Variants in CNTNAP2 observed in about 807,000 individuals in gnomAD.
The protein encoded by CNTNAP2 is contactin-associated protein-like 2.
In CNTNAP2, 98 loss-of-function variants were observed where a neutral mutation model predicts 155.2. That is an observed-to-expected ratio of 0.63 (90% confidence interval 0.54 to 0.75). The LOEUF (loss-of-function observed/expected upper bound fraction) is 0.75, where lower values mean the gene tolerates loss of function less well. Ranked by LOEUF, CNTNAP2 falls within the 30% of genes least tolerant of loss-of-function variation. The probability of loss-of-function intolerance (pLI) is 0.00; values close to 1 mark genes in which losing one functional copy is unlikely to be tolerated. For synonymous variants in CNTNAP2, 651 were observed against 631.2 expected, an observed-to-expected ratio of 1.03 and a Z score of -0.47; for missense variants, 1,727 against 1,688.1, an observed-to-expected ratio of 1.02 and a Z score of -0.40.
intron 16 of CNTNAP2, among the ~76,000 whole-genome samples, chr7:148,120,631 A>G (rs142843473): frequency 3.3e-5 from 5 of 152,280 alleles, no homozygotes; most frequent in African/African-American, 1.2e-4. Context: ...TTTCCACAGT[A>G]TGAAAACCAT....
At position 146,639,549 on chromosome 7, in the gene CNTNAP2, C is replaced by T. The variant is rs185449328; in HGVS notation, c.98-134722C>T. ...GTGTAAAATATATTTTCTTACCTCTCACTACCATTTACTATGATACATTTA... is the reference window on the plus strand; with the variant it reads ...GTGTAAAATATATTTTCTTACCTCTTACTACCATTTACTATGATACATTTA... On this transcript the variant is annotated intron_variant, in intron 1 of 23. Coordinates refer to ENST00000361727, the MANE Select transcript of CNTNAP2 (RefSeq NM_014141.6). Among the ~76,000 whole-genome samples the T allele has an allele frequency of 9.3e-4, 141 of 152,318 alleles. 2 individuals are homozygous for T. In the East Asian group the frequency reaches 0.022, roughly 24 times the overall value.
intron 3 of CNTNAP2, among the ~76,000 whole-genome samples, chr7:146,902,212 T>C (rs1796018651): frequency 6.6e-6 from 1 of 152,106 alleles, no homozygotes; most frequent in Non-Finnish European, 1.5e-5. Flanking sequence ...TTTATCTTCC[T>C]CAGGAGCAGT....
chr7:148,418,872 A>C lies in CNTNAP2; in HGVS notation c.*3256A>C, dbSNP rs2116737188. The C allele has an allele frequency of 1.3e-5, 2 of 152,386 alleles. No homozygotes were observed. Among genetic ancestry groups the C allele is most frequent in the South Asian group, 4.1e-4 (2 of 4,834 alleles). The allele number at this position is 152,386 out of a possible 1,614,324, so 9.4% of individuals were successfully genotyped here. On this transcript the variant is annotated 3_prime_UTR_variant, in exon 24 of 24. Coordinates refer to ENST00000361727, the MANE Select transcript of CNTNAP2 (RefSeq NM_014141.6). ...CCTTTACTAACAAGAGCAGGAATTC[A>C]GAGGCACAAGAAAAAGCATTGGCAT...
intron 2 of CNTNAP2, among the ~76,000 whole-genome samples, chr7:146,779,065 C>T (rs1802438134): frequency 2.0e-5 from 3 of 152,124 alleles, no homozygotes; most frequent in South Asian, 4.1e-4. Flanking sequence ...GACATGAGGC[C>T]AGGGTACCTG....
At chr7:147,861,609 T>A (rs900686884) in intron 13 of CNTNAP2, among the ~76,000 whole-genome samples, 2 of 152,138 alleles carry the variant, frequency 1.3e-5, no homozygotes, top group Non-Finnish European at 2.9e-5. Flanking sequence ...GCCATTGCAT[T>A]ATAGAATCAT....
At chr7:147,504,721 A>G (rs1798877467) in intron 11 of CNTNAP2, among the ~76,000 whole-genome samples, 1 of 151,154 alleles carries the variant, frequency 6.6e-6, no homozygotes, top group Non-Finnish European at 1.5e-5. Flanking sequence ...TCTGAGAAAG[A>G]CCATATTTAA....
chr7:147,710,857 T>A (rs1055276332), intron 13 of CNTNAP2, among the ~76,000 whole-genome samples: 6 of 152,164 alleles, frequency 3.9e-5, no homozygotes, highest in Non-Finnish European at 5.9e-5. Flanking sequence ...GGGTTCCATT[T>A]CTGAAGTGGA....
At chr7:146,196,577 GAGAGAAAGAGAGAGAGAGAA>G (rs1224738578) in intron 1 of CNTNAP2, among the ~76,000 whole-genome samples, 1 of 151,440 alleles carries the variant, frequency 6.6e-6, no homozygotes, top group Non-Finnish European at 1.5e-5. Context: ...GAGAGAGAGA[GAGAGAAAGAGAGAGAGAGAA>G]AGAGAAAGAG....
At chr7:146,211,350 G>A (rs558956691) in intron 1 of CNTNAP2, among the ~76,000 whole-genome samples, 29 of 152,262 alleles carry the variant, frequency 1.9e-4, no homozygotes, top group African/African-American at 6.5e-4. Context: ...TGAAAGAAAA[G>A]TCTACCTTTC....
intron 13 of CNTNAP2, among the ~76,000 whole-genome samples, chr7:147,696,193 G>A (rs1245556186): frequency 6.6e-6 from 1 of 152,102 alleles, no homozygotes; most frequent in African/African-American, 2.4e-5. Context: ...TATCGATGTA[G>A]TTCAATTAAT....
At chr7:146,987,267 T>G (rs1798129512) in intron 3 of CNTNAP2, among the ~76,000 whole-genome samples, 1 of 152,174 alleles carries the variant, frequency 6.6e-6, no homozygotes, top group African/African-American at 2.4e-5. Context: ...TATCCTTTTT[T>G]GTAAAGGCCA....
intron 8 of CNTNAP2, among the ~76,000 whole-genome samples, chr7:147,198,742 G>A (rs1376903325): frequency 1.3e-5 from 2 of 152,036 alleles, no homozygotes; most frequent in Non-Finnish European, 2.9e-5. Context: ...TATGAATAAT[G>A]AACCTAAAAC....
intron 13 of CNTNAP2, among the ~76,000 whole-genome samples, chr7:147,692,782 C>T (rs145937445): frequency 0.016 from 2,503 of 152,122 alleles, 223 homozygotes; most frequent in Admixed American, 0.15. Flanking sequence ...ACCTTTTCCT[C>T]TAGTCTTTGA....
chr7:148,243,946 T>G (rs1786295675), intron 20 of CNTNAP2, among the ~76,000 whole-genome samples: 1 of 152,202 alleles, frequency 6.6e-6, no homozygotes, highest in African/African-American at 2.4e-5. Flanking sequence ...TTTAGCCCAC[T>G]GTGTATATAT....
chr7:146,775,491 T>A (rs1802373979), intron 2 of CNTNAP2, among the ~76,000 whole-genome samples: 1 of 149,656 alleles, frequency 6.7e-6, no homozygotes, highest in Admixed American at 6.7e-5. Flanking sequence ...TAAAACAATC[T>A]AGAATCAACC....
chr7:147,473,336 G>T (rs1281985331), intron 10 of CNTNAP2, among the ~76,000 whole-genome samples: 2 of 152,104 alleles, frequency 1.3e-5, no homozygotes, highest in African/African-American at 4.8e-5. Context: ...TAATGCAGAA[G>T]AAAAGTTGAT....
intron 11 of CNTNAP2, among the ~76,000 whole-genome samples, chr7:147,522,443 C>A (rs1337436242): frequency 9.2e-5 from 14 of 151,522 alleles, no homozygotes; most frequent in East Asian, 7.8e-4. Flanking sequence ...AGAAAAAAAA[C>A]CTAAAATTTG....
At chr7:146,469,552 T>C (rs931514840) in intron 1 of CNTNAP2, among the ~76,000 whole-genome samples, 3 of 150,346 alleles carry the variant, frequency 2.0e-5, no homozygotes, top group African/African-American at 7.4e-5. Flanking sequence ...AGATGGAATC[T>C]TGCTCTGTCA....
chr7:146,184,616 A>G (rs902159301), intron 1 of CNTNAP2, among the ~76,000 whole-genome samples: 20 of 152,084 alleles, frequency 1.3e-4, no homozygotes, highest in African/African-American at 4.3e-4. Context: ...AGGATTACCA[A>G]CCTCTTCCTG....
Sources: allele counts gnomAD v4.1 joint callset (sites outside exome capture counted in the v4.1 genomes callset), GRCh38; gene constraint gnomAD v4.1.1; transcripts MANE v1.5; gene names NCBI Gene and HGNC (gene_info 2026-07-23, HGNC 2026-07-21).